Variants in PTPRT observed in about 807,000 individuals in gnomAD.
PTPRT encodes receptor-type tyrosine-protein phosphatase T.
Under a neutral mutation model 176.8 loss-of-function variants are expected in PTPRT, and 56 were observed. The observed-to-expected ratio is 0.32, with a 90% CI of 0.26 to 0.40. The LOEUF is 0.40. Among genes scored for constraint, PTPRT ranks in the 10% least tolerant of loss-of-function variants. The pLI, the probability that PTPRT is intolerant of heterozygous loss-of-function variation, is 1.00. For synonymous variants in PTPRT, 783 were observed against 739.0 expected (o/e 1.06, Z -0.96); for missense variants, 1,540 against 1,908.2 (o/e 0.81, Z 3.60).
chr20:42,930,488 A>T (rs370550852), intron 1 of PTPRT, among the ~76,000 whole-genome samples: 90 of 148,294 alleles, frequency 6.1e-4, no homozygotes, highest in African/African-American at 2.2e-3. Flanking sequence ...TATTTAATTA[A>T]TTTTTTTTTT....
At chr20:42,951,919 G>T (rs1299828945) in intron 1 of PTPRT, among the ~76,000 whole-genome samples, 7 of 152,148 alleles carry the variant, frequency 4.6e-5, no homozygotes, top group Non-Finnish European at 7.4e-5. Flanking sequence ...TGAAGTATGT[G>T]AAAGAGTCAG....
chr20:42,786,146 T>C lies in PTPRT; in HGVS notation c.486+5049A>G, dbSNP rs534170007. On this transcript the variant is annotated intron_variant, in intron 3 of 30. Transcript: ENST00000373187. ...CTTCCCTTTCTGCCATGATTGTAAG[T>C]TTCCTGAGGCCTCCCCAGCCATGTG... Among the ~76,000 whole-genome samples the C allele has an allele frequency of 2.6e-5, 4 of 152,318 alleles. No individual in the cohort carries two copies. In the South Asian group the frequency reaches 6.2e-4, roughly 24 times the overall value.
At chr20:42,473,287 C>T (rs551998112) in intron 7 of PTPRT, among the ~76,000 whole-genome samples, 12 of 152,274 alleles carry the variant, frequency 7.9e-5, no homozygotes, top group African/African-American at 2.9e-4. Context: ...TCCTATTGAT[C>T]TTGGTCCCAG....
intron 9 of PTPRT, among the ~76,000 whole-genome samples, chr20:42,414,225 T>A (rs2059044212): frequency 6.6e-6 from 1 of 152,190 alleles, no homozygotes; most frequent in Non-Finnish European, 1.5e-5. Flanking sequence ...TTTTAAGAAA[T>A]TCAATCTCTA....
At chr20:43,165,036 G>A (rs2014817517) in intron 1 of PTPRT, among the ~76,000 whole-genome samples, 1 of 152,144 alleles carries the variant, frequency 6.6e-6, no homozygotes, top group African/African-American at 2.4e-5. Context: ...ATGTGTCATG[G>A]GAGGGACCCA....
chr20:42,109,260 T>TAAC (rs137951843), intron 23 of PTPRT, among the ~76,000 whole-genome samples: 5,342 of 152,252 alleles, frequency 0.035, 135 homozygotes, highest in Middle Eastern at 0.071. Flanking sequence ...AGGGATGTGA[T>TAAC]AACTCAAGCA....
chr20:42,419,080 C>T (rs1479122384), intron 9 of PTPRT, among the ~76,000 whole-genome samples: 1 of 152,198 alleles, frequency 6.6e-6, no homozygotes, highest in Non-Finnish European at 1.5e-5. Flanking sequence ...GATTTCCCCC[C>T]ACAGGGTGCT....
chr20:42,587,227 G>T (rs1487888068), intron 7 of PTPRT, among the ~76,000 whole-genome samples: 1 of 152,178 alleles, frequency 6.6e-6, no homozygotes, highest in Non-Finnish European at 1.5e-5. Context: ...CTGCAACTGA[G>T]GTCCCAAACA....
chr20:42,836,927 A>G (rs2078190739), intron 2 of PTPRT, among the ~76,000 whole-genome samples: 1 of 152,214 alleles, frequency 6.6e-6, no homozygotes, highest in Admixed American at 6.5e-5. Context: ...ATTGAGGTAC[A>G]GAAAGATTAA....
rs1017678573 is a variant in PTPRT at position 43,092,360 on chromosome 20, G to A, written c.88+97286C>T. Reference sequence around the variant, plus strand: ...TTCCAGATGTCCATTACATCAGAATGTCTGTGCAGGAGGCTTCCCAAATGC... The same window carrying A: ...TTCCAGATGTCCATTACATCAGAATATCTGTGCAGGAGGCTTCCCAAATGC... On this transcript the variant is annotated intron_variant, in intron 1 of 30. Coordinates refer to ENST00000373187, the MANE Select transcript of PTPRT (RefSeq NM_007050.6). Among the ~76,000 whole-genome samples the A allele has an allele frequency of 2.6e-5, 4 of 152,338 alleles. 1 individual carries two copies. The highest frequency in any genetic ancestry group is 2.6e-4 in the Admixed American group (4 of 15,306).
intron 1 of PTPRT, among the ~76,000 whole-genome samples, chr20:43,152,292 C>G (rs2014380750): frequency 6.6e-6 from 1 of 152,132 alleles, no homozygotes; most frequent in Non-Finnish European, 1.5e-5. Flanking sequence ...ATCATTTTTG[C>G]TTCTGTCTTT....
chr20:42,193,377 C>A (rs1308180117), intron 16 of PTPRT, among the ~76,000 whole-genome samples: 2 of 152,234 alleles, frequency 1.3e-5, no homozygotes, highest in Non-Finnish European at 2.9e-5. Context: ...GTAGAAAAGC[C>A]AGCTGACCTA....
chr20:42,756,424 C>A, intron 6 of PTPRT, 38 bp downstream of exon 6: 1 of 1,473,124 alleles, frequency 6.8e-7, no homozygotes. Context: ...TAATGCCAAC[C>A]TTCCATGGCA....
At chr20:42,950,084 A>G (rs1196297551) in intron 1 of PTPRT, among the ~76,000 whole-genome samples, 1 of 152,206 alleles carries the variant, frequency 6.6e-6, no homozygotes, top group Non-Finnish European at 1.5e-5. Context: ...GTGTTATTAT[A>G]ATAACAGTGA....
chr20:42,111,892 C>T (rs1425590930), intron 22 of PTPRT, among the ~76,000 whole-genome samples: 2 of 152,138 alleles, frequency 1.3e-5, no homozygotes, highest in Non-Finnish European at 2.9e-5. Context: ...GGCAGGGGGA[C>T]AGCATGGGCA....
intron 1 of PTPRT, among the ~76,000 whole-genome samples, chr20:43,157,359 G>A (rs1270217967): frequency 2.0e-5 from 3 of 152,116 alleles, no homozygotes; most frequent in African/African-American, 7.2e-5. Flanking sequence ...GTGAGACCGT[G>A]TCTCAAACAA....
chr20:42,830,582 G>A (rs1300473431), intron 2 of PTPRT, among the ~76,000 whole-genome samples: 1 of 152,132 alleles, frequency 6.6e-6, no homozygotes, highest in Non-Finnish European at 1.5e-5. Context: ...ACATAGCATT[G>A]GAAGCCCTGG....
At chr20:43,002,624 T>A (rs971095248) in intron 1 of PTPRT, among the ~76,000 whole-genome samples, 2 of 152,146 alleles carry the variant, frequency 1.3e-5, no homozygotes, top group African/African-American at 2.4e-5. Context: ...TGGAAATAAT[T>A]TTTGGGTCAA....
At chr20:43,060,569 T>C (rs1265946433) in intron 1 of PTPRT, among the ~76,000 whole-genome samples, 1 of 152,236 alleles carries the variant, frequency 6.6e-6, no homozygotes, top group Non-Finnish European at 1.5e-5. Flanking sequence ...GTTAATATTT[T>C]TAATTCGGCT....
Sources: gnomAD v4.1 joint callset for allele counts (sites outside exome capture counted in the v4.1 genomes callset) on GRCh38, gnomAD v4.1.1 for gene constraint, MANE v1.5 for transcripts, NCBI Gene and HGNC (gene_info 2026-07-23, HGNC 2026-07-21) for gene names.